HIVEP3: variants seen among roughly 807,000 people sequenced by gnomAD.
The protein encoded by HIVEP3 is transcription factor HIVEP3.
In HIVEP3, 49 loss-of-function variants were observed where a neutral mutation model predicts 152.8. The ratio of observed to expected loss-of-function variants is 0.32; its 90% CI spans 0.26 to 0.41. HIVEP3 has a LOEUF of 0.41. Ranked by LOEUF, HIVEP3 falls within the 10% of genes least tolerant of loss-of-function variation. The probability of loss-of-function intolerance (pLI) is 1.00; values close to 1 mark genes in which losing one functional copy is unlikely to be tolerated. For missense variants in HIVEP3, 2,790 were observed against 3,103.3 expected (o/e 0.90, Z 2.40); for synonymous variants, 1,269 against 1,289.0 (o/e 0.98, Z 0.33).
At chr1:41,830,766 TGA>T (rs1384956989) in intron 1 of HIVEP3, among the ~76,000 whole-genome samples, 7 of 152,176 alleles carry the variant, frequency 4.6e-5, no homozygotes, top group Admixed American at 4.6e-4. Flanking sequence ...CCCACCCCAG[TGA>T]ACTTCCTACA....
chr1:41,527,479 TACTC>T (rs376285656), intron 5 of HIVEP3, among the ~76,000 whole-genome samples: 105 of 69,498 alleles, frequency 1.5e-3, no homozygotes, highest in African/African-American at 4.8e-3. Context: ...CTCACCTTCA[TACTC>T]ACACACCACC....
chr1:41,646,530 C>T (rs1645462607), intron 2 of HIVEP3, among the ~76,000 whole-genome samples: 1 of 152,210 alleles, frequency 6.6e-6, no homozygotes, highest in Admixed American at 6.5e-5. Flanking sequence ...GATGTCTGCA[C>T]AGTGTGCCTG....
intron 1 of HIVEP3, among the ~76,000 whole-genome samples, chr1:41,767,198 C>T (rs1290856546): frequency 6.6e-6 from 1 of 152,204 alleles, no homozygotes; most frequent in African/African-American, 2.4e-5. Context: ...CCTATTTGGA[C>T]TCCTCCCTCT....
chr1:41,696,920 T>C (rs910208737), intron 2 of HIVEP3, among the ~76,000 whole-genome samples: 6 of 152,232 alleles, frequency 3.9e-5, no homozygotes, highest in Admixed American at 6.5e-5. Flanking sequence ...AATAAGATGC[T>C]ATGTTATATA....
intron 1 of HIVEP3, among the ~76,000 whole-genome samples, chr1:41,726,186 T>C (rs1436794860): frequency 6.6e-6 from 1 of 152,232 alleles, no homozygotes; most frequent in East Asian, 1.9e-4. Context: ...AGCATTTTCA[T>C]GAGCCCTCGA....
chr1:41,624,121 C>T (rs566228112), intron 3 of HIVEP3, among the ~76,000 whole-genome samples: 3 of 152,194 alleles, frequency 2.0e-5, no homozygotes, highest in Non-Finnish European at 4.4e-5. Context: ...CCACTACTGA[C>T]TGCACTCTCC....
intron 1 of HIVEP3, among the ~76,000 whole-genome samples, chr1:41,814,371 A>C (rs1651139751): frequency 6.6e-6 from 1 of 152,178 alleles, no homozygotes; most frequent in African/African-American, 2.4e-5. Context: ...TATGAACTAT[A>C]TCCATCACCT....
intron 1 of HIVEP3, among the ~76,000 whole-genome samples, chr1:41,770,193 T>C (rs1191154647): frequency 1.3e-5 from 2 of 152,122 alleles, no homozygotes; most frequent in Non-Finnish European, 2.9e-5. Context: ...CAGGATGGTC[T>C]CGATCTCCTG....
intron 2 of HIVEP3, among the ~76,000 whole-genome samples, chr1:41,694,718 C>A (rs1337654313): frequency 6.6e-6 from 1 of 152,190 alleles, no homozygotes; most frequent in African/African-American, 2.4e-5. Context: ...GGCTCTCAGG[C>A]CCTAAAAGGC....
intron 2 of HIVEP3, among the ~76,000 whole-genome samples, chr1:41,654,829 G>A (rs1645605786): frequency 6.6e-6 from 1 of 152,164 alleles, no homozygotes; most frequent in Non-Finnish European, 1.5e-5. Context: ...GAGAAACACA[G>A]TGTCCAGTGG....
chr1:41,598,434 A>G (rs893689990), intron 3 of HIVEP3, among the ~76,000 whole-genome samples: 8 of 152,262 alleles, frequency 5.3e-5, no homozygotes, highest in Non-Finnish European at 1.2e-4. Flanking sequence ...CTATAAGATG[A>G]ACCACAGAAG....
chr1:41,568,256 T>A (rs1443877902), intron 5 of HIVEP3, among the ~76,000 whole-genome samples: 2 of 152,022 alleles, frequency 1.3e-5, no homozygotes, highest in Non-Finnish European at 1.5e-5. Context: ...TCATCGTGGG[T>A]AGTGTGGGAA....
intron 2 of HIVEP3, among the ~76,000 whole-genome samples, chr1:41,631,406 T>C (rs375227542): frequency 1.8e-4 from 27 of 152,286 alleles, no homozygotes; most frequent in African/African-American, 6.5e-4. Context: ...ACGGCCCACG[T>C]AACTGCTCTG....
chr1:41,845,393 C>T (rs983915828), intron 1 of HIVEP3, among the ~76,000 whole-genome samples: 3 of 147,436 alleles, frequency 2.0e-5, no homozygotes, highest in African/African-American at 7.7e-5. Context: ...CAACCACCTA[C>T]ACACCTCCTA....
intron 5 of HIVEP3, among the ~76,000 whole-genome samples, chr1:41,574,511 A>G (rs1644298394): frequency 6.6e-6 from 1 of 152,114 alleles, no homozygotes; most frequent in Non-Finnish European, 1.5e-5. Context: ...GTGCCACCAG[A>G]AGATGCCAAC....
upstream of HIVEP3, among the ~76,000 whole-genome samples, chr1:41,920,007 C>T (rs1038182419): frequency 2.0e-5 from 3 of 152,218 alleles, no homozygotes; most frequent in African/African-American, 7.2e-5. Context: ...AGCATCACAG[C>T]CCATTCCCTC....
intron 1 of HIVEP3, among the ~76,000 whole-genome samples, chr1:41,956,427 G>A (rs1049218777): frequency 2.0e-5 from 3 of 152,184 alleles, no homozygotes; most frequent in Non-Finnish European, 4.4e-5. Flanking sequence ...CCCTAGGTCA[G>A]GATCTCTGTA....
chr1:41,567,969 G>A (rs1477902925), intron 5 of HIVEP3, among the ~76,000 whole-genome samples: 1 of 152,236 alleles, frequency 6.6e-6, no homozygotes, highest in Non-Finnish European at 1.5e-5. Flanking sequence ...CAGATTCTAA[G>A]AGCTGCAGAG....
At chr1:41,659,480 G>A (rs1645679137) in intron 2 of HIVEP3, among the ~76,000 whole-genome samples, 1 of 152,204 alleles carries the variant, frequency 6.6e-6, no homozygotes, top group Admixed American at 6.5e-5. Context: ...TCCCTAGAAT[G>A]GTGCCCAGGG....
Sources: allele counts gnomAD v4.1 joint callset (sites outside exome capture counted in the v4.1 genomes callset), GRCh38; gene constraint gnomAD v4.1.1; transcripts MANE v1.5; gene names NCBI Gene and HGNC (gene_info 2026-07-23, HGNC 2026-07-21).